Variants in CEP63 observed in about 807,000 individuals in gnomAD.
CEP63 encodes the protein centrosomal protein 63.
Under a neutral mutation model 89.1 loss-of-function variants are expected in CEP63, and 84 were observed. That is an observed-to-expected ratio of 0.94 (90% confidence interval 0.79 to 1.13). The LOEUF (loss-of-function observed/expected upper bound fraction) is 1.13. Among genes scored for constraint, CEP63 ranks in the 50% most tolerant of loss-of-function variants. The pLI is 0.00. For synonymous variants in CEP63, 267 were observed against 272.5 expected, an observed-to-expected ratio of 0.98 and a Z score of 0.20; for missense variants, 838 against 813.3, an observed-to-expected ratio of 1.03 and a Z score of -0.37.
chr3:134,535,991 CA>C (rs1950701209), intron 5 of CEP63: 1 of 152,106 alleles, frequency 6.6e-6, no homozygotes, highest in Non-Finnish European at 1.5e-5. Flanking sequence ...CACTTTATTC[CA>C]GCCACACCAA....
At chr3:134,670,086 G>A in the CEP63 span, among the ~76,000 whole-genome samples, 4 of 152,120 alleles carry the variant, frequency 2.6e-5, no homozygotes, top group Admixed American at 6.6e-5. Flanking sequence ...CCACCATGCT[G>A]GGACCCTGAT....
At chr3:134,716,869 C>T in the CEP63 span, among the ~76,000 whole-genome samples, 2 of 147,992 alleles carry the variant, frequency 1.4e-5, no homozygotes, top group African/African-American at 5.1e-5. Context: ...CTCAAATCTT[C>T]GCTGCAACAC....
intron 6 of CEP63, among the ~76,000 whole-genome samples, chr3:134,539,899 G>A (rs376755681): frequency 2.0e-5 from 3 of 152,044 alleles, no homozygotes; most frequent in East Asian, 3.9e-4. Context: ...TAATTCTACC[G>A]TTAAGAGATT....
the CEP63 span, chr3:134,629,769 T>A: frequency 1.2e-6 from 1 of 868,012 alleles, no homozygotes; most frequent in Non-Finnish European, 1.9e-6. Flanking sequence ...GACTGATGAT[T>A]GAATAAAAAA....
chr3:134,601,622 A>G, the CEP63 span, among the ~76,000 whole-genome samples: 1 of 152,178 alleles, frequency 6.6e-6, no homozygotes, highest in Admixed American at 6.5e-5. Flanking sequence ...TGCATTTTTC[A>G]GGTGTGAGTG....
chr3:134,767,129 C>A, the CEP63 span, among the ~76,000 whole-genome samples: 6 of 152,162 alleles, frequency 3.9e-5, no homozygotes, highest in African/African-American at 1.4e-4. Flanking sequence ...CTGGGCTGAG[C>A]TGTGAAGAGA....
At chr3:134,491,846 C>G (rs1469230653) in intron 1 of CEP63, among the ~76,000 whole-genome samples, 1 of 152,122 alleles carries the variant, frequency 6.6e-6, no homozygotes, top group Non-Finnish European at 1.5e-5. Flanking sequence ...AGGCATATCC[C>G]TTCTCTTAGT....
chr3:134,550,325 C>A, intron 11 of CEP63, 65 bp downstream of exon 11: 1 of 1,370,812 alleles, frequency 7.3e-7, no homozygotes, highest in Non-Finnish European at 1.0e-6. Context: ...TGATTAAAGA[C>A]ATAATTTTCA....
At chr3:134,761,974 C>T in the CEP63 span, among the ~76,000 whole-genome samples, 5 of 152,054 alleles carry the variant, frequency 3.3e-5, no homozygotes, top group South Asian at 2.1e-4. Context: ...AACTTTCAGC[C>T]GTTCTTATCC....
At chr3:134,572,289 A>C (rs1958040461) in intron 11 of CEP63, among the ~76,000 whole-genome samples, 1 of 152,178 alleles carries the variant, frequency 6.6e-6, no homozygotes, top group Non-Finnish European at 1.5e-5. Context: ...CAGGGGGTGC[A>C]CGTGCAGGTT....
At chr3:134,741,397 A>G in the CEP63 span, among the ~76,000 whole-genome samples, 1 of 152,162 alleles carries the variant, frequency 6.6e-6, no homozygotes, top group African/African-American at 2.4e-5. Context: ...TTAGGGGTAG[A>G]GAGTGAGGTA....
At chr3:134,728,619 C>G in the CEP63 span, among the ~76,000 whole-genome samples, 284 of 152,232 alleles carry the variant, frequency 1.9e-3, 3 homozygotes, top group African/African-American at 6.5e-3. Context: ...GCTGGCAGGG[C>G]AGTGGACAGG....
chr3:134,684,653 G>T, the CEP63 span, among the ~76,000 whole-genome samples: 2 of 152,240 alleles, frequency 1.3e-5, no homozygotes, highest in Admixed American at 1.3e-4. Flanking sequence ...GTTTCCCCAT[G>T]GTCTTCCTGG....
downstream of CEP63, among the ~76,000 whole-genome samples, chr3:134,567,261 G>A (rs545370997): frequency 4.6e-5 from 7 of 152,074 alleles, no homozygotes; most frequent in South Asian, 2.1e-4. Context: ...GATTGGCGGC[G>A]GAAGGTTGGG....
chr3:134,553,737 C>T (rs1955448661), intron 12 of CEP63, among the ~76,000 whole-genome samples: 1 of 152,120 alleles, frequency 6.6e-6, no homozygotes. Context: ...TAGCAATATC[C>T]ATCAAATGCG....
the CEP63 span, among the ~76,000 whole-genome samples, chr3:134,624,140 C>T: frequency 6.6e-6 from 1 of 152,138 alleles, no homozygotes; most frequent in Admixed American, 6.5e-5. Flanking sequence ...GATGCACCCT[C>T]CAGGAGTCAA....
downstream of CEP63, among the ~76,000 whole-genome samples, chr3:134,566,587 C>T (rs1560068892): frequency 1.3e-5 from 2 of 151,792 alleles, no homozygotes. Context: ...TTAAGCTTTT[C>T]AATAATAAAA....
the CEP63 span, among the ~76,000 whole-genome samples, chr3:134,692,606 C>T: frequency 6.6e-6 from 1 of 152,136 alleles, no homozygotes; most frequent in Non-Finnish European, 1.5e-5. Flanking sequence ...GCAAATAATA[C>T]CTTAGTTTAT....
At chr3:134,577,130 G>A, downstream of CEP63, among the ~76,000 whole-genome samples, 1 of 152,080 alleles carries the variant, frequency 6.6e-6, no homozygotes, top group East Asian at 1.9e-4. Flanking sequence ...CTTGTCTGCA[G>A]GGCTCCAAAC....
Sources: allele counts gnomAD v4.1 joint callset (sites outside exome capture counted in the v4.1 genomes callset), GRCh38; gene constraint gnomAD v4.1.1; transcripts MANE v1.5; gene names NCBI Gene and HGNC (gene_info 2026-07-23, HGNC 2026-07-21).